The following OR2G2 variants were observed in gnomAD, a reference collection of about 807,000 sequenced individuals.
The protein encoded by OR2G2 is olfactory receptor family 2 subfamily G member 2, also known as olfactory receptor 2G2.
For synonymous variants in OR2G2, 176 were observed against 152.4 expected, an observed-to-expected ratio of 1.16 and a Z score of -1.14; for missense variants, 460 against 389.7, an observed-to-expected ratio of 1.18 and a Z score of -1.52.
Position 247,588,767 on chromosome 1 carries a change from T to G in OR2G2, c.408T>G (p.Thr136=). ...YVAVCRPLHY[T]VLMHIHLCMA... is the part of the protein sequence containing the mutation. ...CTGTCTGCCGTCCTCTCCATTACAC[T>G]GTCTTAATGCATATCCATCTCTGCA... is the stretch of plus-strand genomic sequence containing the variant. Residue 136 remains threonine, a synonymous_variant, in exon 1 of 1, where the codon ACT becomes ACG. Coordinates refer to ENST00000320065, the MANE Select transcript of OR2G2 (RefSeq NM_001001915.1). 1 of 1,614,198 alleles carries G rather than the reference T, an allele frequency of 6.2e-7. No homozygotes were observed. The highest frequency in any genetic ancestry group is 1.3e-5 in the African/African-American group (1 of 75,054).
Position 247,589,003 on chromosome 1 carries a change from C to T in OR2G2, c.644C>T (p.Ser215Leu). ...ATCCTTTTCCTTATAGTGCCTGTCT[C>T]ATTCATCCTGGTCTCCTCTGGCTAC... ...ASILFLIVPV[S>L]FILVSSGYIA... The change falls in exon 1 of 1, where the codon TCA becomes TTA. Residue 215 changes from serine to leucine, a missense_variant. Coordinates refer to ENST00000320065, the MANE Select transcript of OR2G2 (RefSeq NM_001001915.1). The T allele has an allele frequency of 6.2e-7, 1 of 1,614,234 alleles. No individual in the cohort carries two copies. The highest frequency in any genetic ancestry group is 8.5e-7 in the Non-Finnish European group (1 of 1,180,048).
chr1:247,589,110 G>A lies in OR2G2; in HGVS notation c.751G>A (p.Val251Ile), dbSNP rs764793959. ...FGTCFSHLTV[V>I]TIFYGTIIFM... ...GACCTGCTTCTCCCACCTGACAGTG[G>A]TCACCATCTTTTATGGAACCATCAT... The change falls in exon 1 of 1, where the codon GTC becomes ATC. Residue 251 changes from valine to isoleucine, a missense_variant. By Grantham distance (29) the Val-to-Ile change is conservative (BLOSUM62 3). Coordinates refer to ENST00000320065, the MANE Select transcript of OR2G2 (RefSeq NM_001001915.1). The A allele has an allele frequency of 5.5e-5, 89 of 1,614,052 alleles. No homozygotes were observed. The highest frequency in any genetic ancestry group is 7.5e-5 in the Non-Finnish European group (88 of 1,180,034).
In OR2G2 at chr1:247,589,091, C is replaced by T. The variant is rs754626292; in HGVS notation, c.732C>T (p.Cys244=). Residue 244 remains cysteine (C), a synonymous_variant, in exon 1 of 1, where the codon TGC becomes TGT. Coordinates refer to ENST00000320065, the MANE Select transcript of OR2G2 (RefSeq NM_001001915.1). ...ATRRQKAFGT[C]FSHLTVVTIF... is the part of the protein sequence containing the mutation. ...GGAGACAGAAAGCATTCGGGACCTG[C>T]TTCTCCCACCTGACAGTGGTCACCA... is the stretch of plus-strand genomic sequence containing the variant. 3 of 1,614,200 alleles carry T rather than the reference C, an allele frequency of 1.9e-6. No homozygotes were observed. The highest frequency in any genetic ancestry group is 2.5e-6 in the Non-Finnish European group (3 of 1,180,020).
Position 247,589,210 on chromosome 1 carries a change from T to C in OR2G2, c.851T>C (p.Val284Ala), listed in dbSNP as rs754236597. Reference protein sequence around the residue: ...GKFVSLFYTVVTRMLNPLIYT... With the variant: ...GKFVSLFYTVATRMLNPLIYT... ...TTTGTTTCTCTCTTCTACACTGTGG[T>C]AACCCGCATGCTTAACCCTCTTATT... The change falls in exon 1 of 1, where the codon GTA becomes GCA. Residue 284 changes from valine (V) to alanine (A), a missense_variant. Transcript: ENST00000320065. 15 of 1,613,980 alleles carry C rather than the reference T, an allele frequency of 9.3e-6. No homozygotes were observed. The highest frequency in any genetic ancestry group is 8.0e-5 in the African/African-American group (6 of 74,934).
In OR2G2 at chr1:247,588,458, C is replaced by G. The variant is rs753479764; in HGVS notation, c.99C>G (p.Leu33=). 1 of 1,613,794 alleles carries G rather than the reference C, an allele frequency of 6.2e-7. No individual in the cohort carries two copies. The highest frequency in any genetic ancestry group is 1.1e-5 in the South Asian group (1 of 91,068). ...AGTTACAGAAGGTTCTATTTGTGCT[C>G]ATATTGATTCTGTATTTACTAACTA... ...YPQLQKVLFV[L]ILILYLLTIL... The change falls in exon 1 of 1, where the codon CTC becomes CTG. Residue 33 remains leucine, a synonymous_variant. Transcript: ENST00000320065.
At position 247,589,167 on chromosome 1, in the gene OR2G2, T is replaced by A. The variant is rs1669090203; in HGVS notation, c.808T>A (p.Ser270Thr). 1 of 1,614,066 alleles carries A rather than the reference T, an allele frequency of 6.2e-7. No homozygotes were observed. Among genetic ancestry groups the A allele is most frequent in the African/African-American group, 1.3e-5 (1 of 74,926 alleles). Residue 270 changes from serine (S) to threonine (T), a missense_variant, in exon 1 of 1, where the codon TCC becomes ACC. Physicochemically the swap from Ser to Thr is moderately conservative, Grantham distance 58. Transcript: ENST00000320065. ...GTATCTGCAGCCAGCCAAGAGTAGATCCAGGGACCAGGGCAAGTTTGTTTC... is the reference window on the plus strand; with the variant it reads ...GTATCTGCAGCCAGCCAAGAGTAGAACCAGGGACCAGGGCAAGTTTGTTTC... ...FMYLQPAKSR[S>T]RDQGKFVSLF...
chr1:247,588,623 G>A lies in OR2G2; in HGVS notation c.264G>A (p.Leu88=). 2 of 1,614,120 alleles carry A rather than the reference G, an allele frequency of 1.2e-6. No individual in the cohort carries two copies. The highest frequency in any genetic ancestry group is 1.3e-5 in the African/African-American group (1 of 75,008). Residue 88 remains leucine (L), a synonymous_variant, in exon 1 of 1, where the codon CTG becomes CTA. Transcript: ENST00000320065. ...SSVIPQLLVN[L]WEPMKTIAYG... is the part of the protein sequence containing the mutation. ...TTATTCCCCAGCTCCTGGTAAACCTGTGGGAACCCATGAAAACTATCGCCT... is the reference window on the plus strand; with the variant it reads ...TTATTCCCCAGCTCCTGGTAAACCTATGGGAACCCATGAAAACTATCGCCT...
Position 247,589,194 on chromosome 1 carries a change from C to T in OR2G2, c.835C>T (p.Leu279Phe), listed in dbSNP as rs1334161652. The stretch of plus-strand genomic sequence containing the variant: ...CAGGGACCAGGGCAAGTTTGTTTCT[C>T]TCTTCTACACTGTGGTAACCCGCAT... The part of the protein sequence containing the change: ...RSRDQGKFVS[L>F]FYTVVTRMLN... The change falls in exon 1 of 1, where the codon CTC (leucine) becomes TTC (phenylalanine). Residue 279 changes from leucine (L) to phenylalanine (F), a missense_variant. Physicochemically the swap from Leu to Phe is conservative, Grantham distance 22. Coordinates refer to ENST00000320065, the MANE Select transcript of OR2G2 (RefSeq NM_001001915.1). 6.2e-7 allele frequency: 1 copy of T among 1,613,964 alleles called. No individual in the cohort carries two copies. The highest frequency in any genetic ancestry group is 8.5e-7 in the Non-Finnish European group (1 of 1,179,960).
chr1:247,588,944 C>A lies in OR2G2; in HGVS notation c.585C>A (p.Thr195=). The part of the protein sequence containing the change: ...PVLIKLACVG[T]TFNEAELFVA... ...TCATCAAGCTGGCTTGTGTGGGCACCACGTTTAACGAGGCTGAGCTTTTTG... is the reference window on the plus strand; with the variant it reads ...TCATCAAGCTGGCTTGTGTGGGCACAACGTTTAACGAGGCTGAGCTTTTTG... The change falls in exon 1 of 1, where the codon ACC becomes ACA. Residue 195 remains threonine, a synonymous_variant. Coordinates refer to ENST00000320065, the MANE Select transcript of OR2G2 (RefSeq NM_001001915.1). 2 of 1,614,192 alleles carry A rather than the reference C, an allele frequency of 1.2e-6. No individual in the cohort carries two copies. Among genetic ancestry groups the A allele is most frequent in the African/African-American group, 1.3e-5 (1 of 75,054 alleles).
At position 247,588,849 on chromosome 1, in the gene OR2G2, A is replaced by AC; in HGVS notation, c.493dup (p.Leu165ProfsTer34). On this transcript the variant is annotated frameshift_variant, in exon 1 of 1. Coordinates refer to ENST00000320065, the MANE Select transcript of OR2G2 (RefSeq NM_001001915.1). LOFTEE classifies it low-confidence loss of function (END_TRUNC). ...AATAGCCACCACCCTGGTACAGTCCACCCTCACCCTGCAGCTGCCCTTCTG... is the reference window on the plus strand; with the variant it reads ...AATAGCCACCACCCTGGTACAGTCCACCCCTCACCCTGCAGCTGCCCTTCTG... The AC allele has an allele frequency of 6.2e-7, 1 of 1,613,992 alleles. No individual in the cohort carries two copies. Among genetic ancestry groups the AC allele is most frequent in the Non-Finnish European group, 8.5e-7 (1 of 1,179,992 alleles).
rs1415691224 is a variant in OR2G2 at position 247,589,035 on chromosome 1, C to A, written c.676C>A (p.His226Asn). The A allele has an allele frequency of 6.2e-7, 1 of 1,614,180 alleles. No homozygotes were observed. The highest frequency in any genetic ancestry group is 1.1e-5 in the South Asian group (1 of 91,084). ...FILVSSGYIA[H>N]AVLRIKSATR... Reference sequence around the variant, plus strand: ...CCTGGTCTCCTCTGGCTACATTGCCCACGCAGTGTTGAGGATTAAGTCAGC... The same window carrying A: ...CCTGGTCTCCTCTGGCTACATTGCCAACGCAGTGTTGAGGATTAAGTCAGC... The change falls in exon 1 of 1, where the codon CAC becomes AAC. Residue 226 changes from histidine (H) to asparagine (N), a missense_variant. By Grantham distance (68) the His-to-Asn change is moderately conservative. Coordinates refer to ENST00000320065, the MANE Select transcript of OR2G2 (RefSeq NM_001001915.1).
rs773030936 is a variant in OR2G2 at position 247,589,237 on chromosome 1, A to C, written c.878A>C (p.Tyr293Ser). Reference protein sequence around the residue: ...VVTRMLNPLIYTLRIKEVKGA... With the variant: ...VVTRMLNPLISTLRIKEVKGA... ...ACCCGCATGCTTAACCCTCTTATTT[A>C]TACCTTGAGGATCAAGGAGGTGAAA... The change falls in exon 1 of 1, where the codon TAT becomes TCT. Residue 293 changes from tyrosine to serine, a missense_variant. By Grantham distance (144) the Tyr-to-Ser change is moderately radical. Transcript: ENST00000320065. 1.2e-6 allele frequency: 2 copies of C among 1,613,894 alleles called. No individual in the cohort carries two copies. The highest frequency in any genetic ancestry group is 3.3e-5 in the Admixed American group (2 of 60,002).
In OR2G2 at chr1:247,588,472, A is replaced by G. The variant is rs1442677598; in HGVS notation, c.113A>G (p.Tyr38Cys). The G allele has an allele frequency of 1.9e-6, 3 of 1,613,858 alleles. No homozygotes were observed. Among genetic ancestry groups the G allele is most frequent in the Non-Finnish European group, 2.5e-6 (3 of 1,179,870 alleles). The change falls in exon 1 of 1, where the codon TAT (tyrosine) becomes TGT (cysteine). Residue 38 changes from tyrosine (Y) to cysteine (C), a missense_variant. Tyr to Cys is a radical substitution (Grantham distance 194). Transcript: ENST00000320065. ...CTATTTGTGCTCATATTGATTCTGTATTTACTAACTATTTTGGGGAATACC... is the reference window on the plus strand; with the variant it reads ...CTATTTGTGCTCATATTGATTCTGTGTTTACTAACTATTTTGGGGAATACC... ...KVLFVLILILYLLTILGNTTI... is the reference protein window; with the variant it reads ...KVLFVLILILCLLTILGNTTI...
rs770830134 is a variant in OR2G2, at chr1:247,589,249, T to A, written c.890T>A (p.Ile297Asn). Reference sequence around the variant, plus strand: ...AACCCTCTTATTTATACCTTGAGGATCAAGGAGGTGAAAGGGGCATTAAAG... The same window carrying A: ...AACCCTCTTATTTATACCTTGAGGAACAAGGAGGTGAAAGGGGCATTAAAG... ...MLNPLIYTLRIKEVKGALKKV... is the reference protein window; with the variant it reads ...MLNPLIYTLRNKEVKGALKKV... Residue 297 changes from isoleucine to asparagine, a missense_variant, in exon 1 of 1, where the codon ATC (isoleucine) becomes AAC (asparagine). Physicochemically the swap from Ile to Asn is moderately radical, Grantham distance 149. Coordinates refer to ENST00000320065, the MANE Select transcript of OR2G2 (RefSeq NM_001001915.1). 8.1e-6 allele frequency: 13 copies of A among 1,613,576 alleles called. No individual in the cohort carries two copies. The highest frequency in any genetic ancestry group is 1.0e-5 in the Non-Finnish European group (12 of 1,179,798).
rs766679691 is a variant in OR2G2 at position 247,588,980 on chromosome 1, C to A, written c.621C>A (p.Ile207=). 1 of 1,614,100 alleles carries A rather than the reference C, an allele frequency of 6.2e-7. No individual in the cohort carries two copies. Among genetic ancestry groups the A allele is most frequent in the African/African-American group, 1.3e-5 (1 of 74,930 alleles). Reference sequence around the variant, plus strand: ...AGGCTGAGCTTTTTGTGGCTAGTATCCTTTTCCTTATAGTGCCTGTCTCAT... The same window carrying A: ...AGGCTGAGCTTTTTGTGGCTAGTATACTTTTCCTTATAGTGCCTGTCTCAT... The part of the protein sequence containing the change: ...FNEAELFVAS[I]LFLIVPVSFI... Residue 207 remains isoleucine, a synonymous_variant, in exon 1 of 1, where the codon ATC becomes ATA. Transcript: ENST00000320065.
chr1:247,589,096 C>G lies in OR2G2; in HGVS notation c.737C>G (p.Ser246Cys). The change falls in exon 1 of 1, where the codon TCC (serine) becomes TGC (cysteine). Residue 246 changes from serine (S) to cysteine (C), a missense_variant. By Grantham distance (112) the Ser-to-Cys change is moderately radical. Coordinates refer to ENST00000320065, the MANE Select transcript of OR2G2 (RefSeq NM_001001915.1). ...CAGAAAGCATTCGGGACCTGCTTCT[C>G]CCACCTGACAGTGGTCACCATCTTT... is the stretch of plus-strand genomic sequence containing the variant. ...RRQKAFGTCFSHLTVVTIFYG... is the reference protein window; with the variant it reads ...RRQKAFGTCFCHLTVVTIFYG... The G allele has an allele frequency of 1.2e-6, 2 of 1,614,206 alleles. No homozygotes were observed. Among genetic ancestry groups the G allele is most frequent in the Non-Finnish European group, 1.7e-6 (2 of 1,180,020 alleles).
At position 247,588,563 on chromosome 1, in the gene OR2G2, T is replaced by C; in HGVS notation, c.204T>C (p.His68=). The C allele has an allele frequency of 6.2e-7, 1 of 1,614,204 alleles. No individual in the cohort carries two copies. The highest frequency in any genetic ancestry group is 8.5e-7 in the Non-Finnish European group (1 of 1,180,030). Residue 68 remains histidine (H), a synonymous_variant, in exon 1 of 1, where the codon CAT becomes CAC. Transcript: ENST00000320065. ...TGCCGATGTATTTCTTCCTTTCTCA[T>C]CTCTCCTTCCTGTACCGCTGCTTCA... ...LHMPMYFFLS[H]LSFLYRCFTS...
chr1:247,588,407 C>T lies in OR2G2; in HGVS notation c.48C>T (p.Ile16=), dbSNP rs1669069735. ...HTNESNLAGF[I]LLGFSDYPQL... is the part of the protein sequence containing the mutation. ...ATGAGAGCAACCTAGCAGGTTTCATCCTTTTAGGGTTTTCTGATTATCCTC... is the reference window on the plus strand; with the variant it reads ...ATGAGAGCAACCTAGCAGGTTTCATTCTTTTAGGGTTTTCTGATTATCCTC... The change falls in exon 1 of 1, where the codon ATC becomes ATT. Residue 16 remains isoleucine, a synonymous_variant. Coordinates refer to ENST00000320065, the MANE Select transcript of OR2G2 (RefSeq NM_001001915.1). The T allele has an allele frequency of 1.2e-6, 2 of 1,613,424 alleles. No homozygotes were observed. Among genetic ancestry groups the T allele is most frequent in the Non-Finnish European group, 1.7e-6 (2 of 1,179,716 alleles).
rs1434578514 is a variant in OR2G2, at chr1:247,588,882, C to T, written c.523C>T (p.Arg175Cys). 3.7e-6 allele frequency: 6 copies of T among 1,614,202 alleles called. No homozygotes were observed. The highest frequency in any genetic ancestry group is 1.6e-4 in the Middle Eastern group (1 of 6,062). Reference sequence around the variant, plus strand: ...CCTGCAGCTGCCCTTCTGTGGGCATCGCCAAGTGGATCATTTCATCTGCGA... The same window carrying T: ...CCTGCAGCTGCCCTTCTGTGGGCATTGCCAAGTGGATCATTTCATCTGCGA... ...LTLQLPFCGH[R>C]QVDHFICEVP... is the part of the protein sequence containing the mutation. Residue 175 changes from arginine (R) to cysteine (C), a missense_variant, in exon 1 of 1, where the codon CGC (arginine) becomes TGC (cysteine). Coordinates refer to ENST00000320065, the MANE Select transcript of OR2G2 (RefSeq NM_001001915.1).
Sources: allele counts gnomAD v4.1 joint callset, GRCh38; gene constraint gnomAD v4.1.1; transcripts MANE v1.5; gene names NCBI Gene and HGNC (gene_info 2026-07-23, HGNC 2026-07-21).